The following RCC1L variants were observed in gnomAD, a reference collection of about 807,000 sequenced individuals.
The protein encoded by RCC1L is RCC1-like G exchanging factor-like protein.
In RCC1L, 46 loss-of-function variants were observed where a neutral mutation model predicts 58.6. The observed-to-expected ratio is 0.79, with a 90% CI of 0.62 to 1.00. RCC1L has a LOEUF of 1.00. RCC1L is among the 50% of genes least tolerant of loss of function. The probability of loss-of-function intolerance (pLI) is 0.00; values close to 1 mark genes in which losing one functional copy is unlikely to be tolerated. For missense variants in RCC1L, 636 were observed against 623.6 expected (o/e 1.02, Z -0.21); for synonymous variants, 281 against 262.9 (o/e 1.07, Z -0.67).
rs1041484543 is a variant in RCC1L at position 75,059,964 on chromosome 7, G to A, written c.788-1195C>T. Among the ~76,000 whole-genome samples, 28 of 151,792 alleles carry A rather than the reference G, an allele frequency of 1.8e-4. No homozygotes were observed. The South Asian group carries it at 4.2e-3, about 23-fold the overall frequency. ...TTTTTTAGTAGAGATGGGTTTTACCGTGTCAGCCAGGATGGTCTCGATCTC... is the reference window on the plus strand; with the variant it reads ...TTTTTTAGTAGAGATGGGTTTTACCATGTCAGCCAGGATGGTCTCGATCTC... On this transcript the variant is annotated intron_variant, in intron 6 of 10. Transcript: ENST00000610322.
chr7:75,048,332 C>T (rs1181411423), intron 10 of RCC1L, among the ~76,000 whole-genome samples: 5 of 151,548 alleles, frequency 3.3e-5, no homozygotes, highest in East Asian at 1.9e-4. Flanking sequence ...GTCGTATAAG[C>T]GAGGCTAGAA....
At chr7:75,047,836 G>A (rs1264723450) in intron 10 of RCC1L, among the ~76,000 whole-genome samples, 2 of 150,370 alleles carry the variant, frequency 1.3e-5, no homozygotes, top group African/African-American at 4.9e-5. Flanking sequence ...TAGTAGAGAC[G>A]GGGTTTCGCC....
chr7:75,061,406 C>A, intron 5 of RCC1L, 115 bp from the exon 6 acceptor site: 5 of 823,364 alleles, frequency 6.1e-6, no homozygotes, highest in South Asian at 1.3e-5. Context: ...GGAGCATGGT[C>A]CAGGCAGACT....
chr7:75,056,264 C>A (rs1446529065), intron 8 of RCC1L, among the ~76,000 whole-genome samples, 190 bp from the exon 9 acceptor site: 2 of 152,018 alleles, frequency 1.3e-5, no homozygotes, highest in Admixed American at 1.3e-4. Context: ...ATTCTCTCTC[C>A]CCTGCTTAAA....
intron 10 of RCC1L, chr7:75,028,096 A>C: frequency 6.7e-7 from 1 of 1,487,546 alleles, no homozygotes; most frequent in South Asian, 1.2e-5. Flanking sequence ...GGGGAGGAAG[A>C]GGGCTCTCTA....
chr7:75,030,368 T>C (rs1805267829), intron 10 of RCC1L, among the ~76,000 whole-genome samples: 1 of 152,002 alleles, frequency 6.6e-6, no homozygotes, highest in African/African-American at 2.4e-5. Flanking sequence ...AGTGCAGAAA[T>C]GATTAGGTGA....
intron 7 of RCC1L, chr7:75,058,311 A>C (rs587702493): frequency 1.3e-4 from 55 of 413,116 alleles, no homozygotes; most frequent in African/African-American, 1.1e-3. Flanking sequence ...ATCTCAGCTC[A>C]CTGCAATCTG....
intron 2 of RCC1L, among the ~76,000 whole-genome samples, chr7:75,068,691 C>A (rs1319646118): frequency 2.0e-5 from 3 of 151,204 alleles, no homozygotes; most frequent in African/African-American, 7.3e-5. Flanking sequence ...CTCAAACAAA[C>A]AAACAAAAAA....
rs587629834 is a variant in RCC1L at position 75,072,931 on chromosome 7, C to A, written c.324+483G>T. On this transcript the variant is annotated intron_variant, in intron 1 of 10. Transcript: ENST00000610322. ...CTCCAGCCTGAGCGACAGAGCGAGACCCTGTCTCTAAAAAATAAATTAAAA... is the reference window on the plus strand; with the variant it reads ...CTCCAGCCTGAGCGACAGAGCGAGAACCTGTCTCTAAAAAATAAATTAAAA... 1.1e-3 allele frequency among the ~76,000 whole-genome samples: 175 copies of A among 152,278 alleles called. 1 individual carries two copies. Among genetic ancestry groups the A allele is most frequent in the Non-Finnish European group, 2.1e-3 (141 of 68,030 alleles).
chr7:75,068,935 T>C (rs868919943), intron 2 of RCC1L, among the ~76,000 whole-genome samples: 3 of 151,980 alleles, frequency 2.0e-5, no homozygotes, highest in Admixed American at 6.6e-5. Flanking sequence ...AGTGGTGCGA[T>C]CTCGGCTCAC....
intron 6 of RCC1L, among the ~76,000 whole-genome samples, chr7:75,060,463 C>A (rs1483512516): frequency 6.6e-6 from 1 of 152,232 alleles, no homozygotes; most frequent in Admixed American, 6.5e-5. Context: ...CAGAGTCTTG[C>A]TCTGTTGTCC....
intron 9 of RCC1L, chr7:75,055,683 C>T: frequency 1.6e-6 from 1 of 609,766 alleles, no homozygotes; most frequent in East Asian, 2.9e-5. Flanking sequence ...TACCCACAAA[C>T]CAAACGAACC....
rs935338067 is a variant in RCC1L at position 75,061,150 on chromosome 7, C to T, written c.787+57G>A. On this transcript the variant is annotated intron_variant, in intron 6 of 10. Coordinates refer to ENST00000610322, the MANE Select transcript of RCC1L (RefSeq NM_030798.5). ...CCCATAAATGCCCTACAGCTCACAG[C>T]TCCACATGACACGGGCTGAGAAGTT... 7 of 1,430,094 alleles carry T rather than the reference C, an allele frequency of 4.9e-6. No individual in the cohort carries two copies. The African/African-American group carries it at 7.0e-5, about 14-fold the overall frequency. The allele number at this position is 1,430,094 out of a possible 1,614,324, so 88.6% of individuals were successfully genotyped here.
rs1010740489 is a variant in RCC1L, at chr7:75,054,738, C to T, written c.1231+1163G>A. On this transcript the variant is annotated intron_variant, in intron 9 of 10. Coordinates refer to ENST00000610322, the MANE Select transcript of RCC1L (RefSeq NM_030798.5). ...CGGAGGTTGCAGTGAGCCAAGATCG[C>T]GCCATTGCACTCCAGCCTGGGCAAC... Among the ~76,000 whole-genome samples, 6 of 152,094 alleles carry T rather than the reference C, an allele frequency of 3.9e-5. No homozygotes were observed. The South Asian group carries it at 6.2e-4, about 16-fold the overall frequency.
chr7:75,032,550 G>A (rs1805331409), intron 10 of RCC1L, among the ~76,000 whole-genome samples: 2 of 152,198 alleles, frequency 1.3e-5, no homozygotes, highest in East Asian at 1.9e-4. Flanking sequence ...CCATGGGGGG[G>A]TAGCTGTGAG....
At chr7:75,039,462 A>G (rs1400772682), downstream of RCC1L, among the ~76,000 whole-genome samples, 2 of 152,218 alleles carry the variant, frequency 1.3e-5, no homozygotes, top group East Asian at 3.9e-4. Flanking sequence ...CATCCTATTG[A>G]GGTTGACAAC....
At chr7:75,067,558 G>A (rs587758535) in intron 2 of RCC1L, among the ~76,000 whole-genome samples, 21 of 152,140 alleles carry the variant, frequency 1.4e-4, no homozygotes, top group African/African-American at 5.1e-4. Context: ...GAACCCAGGA[G>A]GCGGAGGTTG....
intron 1 of RCC1L, among the ~76,000 whole-genome samples, chr7:75,072,512 T>C (rs1178763659): frequency 6.6e-6 from 1 of 151,994 alleles, no homozygotes; most frequent in East Asian, 1.9e-4. Flanking sequence ...GCTATTACCA[T>C]GAAAAGGAAA....
Position 75,058,729 on chromosome 7 carries a change from C to T in RCC1L, c.828G>A (p.Leu276=). 6.2e-7 allele frequency: 1 copy of T among 1,613,984 alleles called. No individual in the cohort carries two copies. Among genetic ancestry groups the T allele is most frequent in the Non-Finnish European group, 8.5e-7 (1 of 1,179,858 alleles). ...HYNITSSPTK[L]GGDLAGVNVI... is the part of the protein sequence containing the mutation. ...CGTTCACTCCCGCCAGGTCTCCACC[C>T]AGCTTGGTGGGCGAGCTGGTGATAT... The change falls in exon 7 of 11, where the codon CTG becomes CTA. Residue 276 remains leucine (L), a synonymous_variant. Transcript: ENST00000610322.
Sources: allele counts gnomAD v4.1 joint callset (sites outside exome capture counted in the v4.1 genomes callset), GRCh38; gene constraint gnomAD v4.1.1; transcripts MANE v1.5; gene names NCBI Gene and HGNC (gene_info 2026-07-23, HGNC 2026-07-21).